Variants in FANCC observed in about 807,000 individuals in gnomAD.
FANCC encodes the protein Fanconi anemia group C protein.
A neutral mutation model predicts 71.3 loss-of-function variants in FANCC; 55 were observed. The ratio of observed to expected loss-of-function variants is 0.77; its 90% CI spans 0.62 to 0.97. FANCC has a LOEUF of 0.97. FANCC is among the 50% of genes least tolerant of loss of function. The pLI, the probability that FANCC is intolerant of heterozygous loss-of-function variation, is 0.00. For synonymous variants in FANCC, 275 were observed against 244.9 expected (o/e 1.12, Z -1.15); for missense variants, 678 against 670.9 (o/e 1.01, Z -0.12).
chr9:95,199,490 A>G (rs1341229052), intron 4 of FANCC, among the ~76,000 whole-genome samples: 2 of 152,060 alleles, frequency 1.3e-5, no homozygotes, highest in East Asian at 3.9e-4. Flanking sequence ...AGACCACCTC[A>G]TGTCCGTTTG....
chr9:95,242,697 G>A (rs543067959), intron 3 of FANCC, among the ~76,000 whole-genome samples: 7 of 152,300 alleles, frequency 4.6e-5, no homozygotes, highest in African/African-American at 1.7e-4. Flanking sequence ...CACCCAACCT[G>A]TAGGAGGTGA....
chr9:95,124,232 G>A (rs187174350), intron 10 of FANCC, among the ~76,000 whole-genome samples: 3 of 151,982 alleles, frequency 2.0e-5, no homozygotes, highest in South Asian at 4.2e-4. Context: ...GTCAAACTGC[G>A]GAGAGCTTCA....
chr9:95,297,091 A>G (rs1347959927), intron 1 of FANCC, among the ~76,000 whole-genome samples: 2 of 152,226 alleles, frequency 1.3e-5, no homozygotes, highest in Non-Finnish European at 2.9e-5. Context: ...GAAAGTTTCC[A>G]GAAAAAGAGA....
chr9:95,239,785 CAAAG>C (rs1417510686), intron 4 of FANCC, among the ~76,000 whole-genome samples: 5 of 152,116 alleles, frequency 3.3e-5, no homozygotes, highest in African/African-American at 1.2e-4. Flanking sequence ...TTGTCTAAAA[CAAAG>C]AAATCGTAAA....
At chr9:95,110,174 A>G in intron 13 of FANCC, 2 of 890,378 alleles carry the variant, frequency 2.2e-6, no homozygotes, top group South Asian at 1.0e-4. Flanking sequence ...TTTTCATAAA[A>G]AAGGACCAAG....
intron 6 of FANCC, among the ~76,000 whole-genome samples, chr9:95,156,788 C>G (rs1199235617): frequency 2.0e-5 from 3 of 152,130 alleles, no homozygotes; most frequent in Non-Finnish European, 4.4e-5. Context: ...ACCATGATAA[C>G]CTTTGCAAAA....
chr9:95,272,227 C>T (rs1476509726), intron 1 of FANCC, among the ~76,000 whole-genome samples: 3 of 151,904 alleles, frequency 2.0e-5, no homozygotes, highest in Non-Finnish European at 4.4e-5. Flanking sequence ...CACAAGCCAC[C>T]GCGCCCGGCC....
At chr9:95,219,627 A>G (rs532748146) in intron 4 of FANCC, among the ~76,000 whole-genome samples, 2 of 152,250 alleles carry the variant, frequency 1.3e-5, no homozygotes, top group East Asian at 1.9e-4. Flanking sequence ...AGGATTCCCT[A>G]TTCAATAAAT....
intron 1 of FANCC, among the ~76,000 whole-genome samples, chr9:95,284,700 A>G (rs1226869731): frequency 6.6e-6 from 1 of 152,196 alleles, no homozygotes; most frequent in Non-Finnish European, 1.5e-5. Flanking sequence ...AGTATGGCCC[A>G]AAATATTTCA....
At chr9:95,118,520 G>T (rs1043089212) in intron 10 of FANCC, among the ~76,000 whole-genome samples, 16 of 152,208 alleles carry the variant, frequency 1.1e-4, no homozygotes, top group Non-Finnish European at 1.8e-4. Context: ...CCACCCCAGT[G>T]AAGACACATT....
At position 95,101,698 on chromosome 9, in the gene FANCC, G is replaced by C; in HGVS notation, c.*9C>G. ...CTCACGCCGGGCACCCACACGGCCT[G>C]CGTGCCTTCTAGACTTGAGTTCGCA... On this transcript the variant is annotated 3_prime_UTR_variant, in exon 15 of 15. Transcript: ENST00000289081. 1 of 1,613,660 alleles carries C rather than the reference G, an allele frequency of 6.2e-7. No individual in the cohort carries two copies. The highest frequency in any genetic ancestry group is 8.5e-7 in the Non-Finnish European group (1 of 1,179,966).
At chr9:95,137,961 A>C (rs111760231) in intron 7 of FANCC, among the ~76,000 whole-genome samples, 15 of 152,368 alleles carry the variant, frequency 9.8e-5, no homozygotes, top group African/African-American at 3.6e-4. Context: ...GACTGGCGGT[A>C]ACGGGAGTGA....
At chr9:95,251,749 A>G (rs1300663253) in intron 1 of FANCC, among the ~76,000 whole-genome samples, 3 of 152,222 alleles carry the variant, frequency 2.0e-5, no homozygotes, top group Admixed American at 1.3e-4. Context: ...ATACATTTAC[A>G]CTATGCTCTT....
intron 3 of FANCC, among the ~76,000 whole-genome samples, chr9:95,246,850 G>A (rs899705101): frequency 1.3e-5 from 2 of 152,092 alleles, no homozygotes; most frequent in African/African-American, 4.8e-5. Context: ...AAATGAGACT[G>A]GACAGCAGAC....
intron 1 of FANCC, among the ~76,000 whole-genome samples, chr9:95,270,298 G>A (rs916615401): frequency 3.9e-5 from 6 of 152,112 alleles, no homozygotes; most frequent in Middle Eastern, 6.3e-3. Context: ...TCAGGGACCC[G>A]TCGCAGCGAG....
intron 6 of FANCC, among the ~76,000 whole-genome samples, chr9:95,170,575 T>C (rs1045033593): frequency 6.6e-6 from 1 of 152,020 alleles, no homozygotes; most frequent in African/African-American, 2.4e-5. Flanking sequence ...AGTCTAGATT[T>C]TGGAATATCA....
At chr9:95,123,549 G>A (rs149725444) in intron 10 of FANCC, 107 of 536,518 alleles carry the variant, frequency 2.0e-4, no homozygotes, top group Non-Finnish European at 3.2e-4. Flanking sequence ...AACAACGGTC[G>A]TACCAAAAAG....
intron 14 of FANCC, 71 bp from the exon 15 acceptor site, chr9:95,101,921 G>A (rs1367308445): frequency 2.5e-6 from 4 of 1,569,512 alleles, no homozygotes; most frequent in Non-Finnish European, 3.5e-6. Context: ...TCCAGGGACG[G>A]ACCATAACCA....
At chr9:95,107,776 T>TCATA (rs891063421) in intron 13 of FANCC, among the ~76,000 whole-genome samples, 2 of 152,082 alleles carry the variant, frequency 1.3e-5, no homozygotes. Context: ...ACAAGCACGG[T>TCATA]CATACACACA....
Sources: allele counts gnomAD v4.1 joint callset (sites outside exome capture counted in the v4.1 genomes callset), GRCh38; gene constraint gnomAD v4.1.1; transcripts MANE v1.5; gene names NCBI Gene and HGNC (gene_info 2026-07-23, HGNC 2026-07-21).